Variants in ZNF490 observed in about 807,000 individuals in gnomAD.
The protein encoded by ZNF490 is zinc finger protein 490.
A neutral mutation model predicts 17.7 loss-of-function variants in ZNF490; 11 were observed. The observed-to-expected ratio is 0.62, with a 90% confidence interval of 0.39 to 1.03. ZNF490 has a LOEUF of 1.03. ZNF490 is among the 50% of genes least tolerant of loss of function. ZNF490 has a pLI of 0.00. For missense variants in ZNF490, 542 were observed against 643.4 expected (o/e 0.84, Z 1.71); for synonymous variants, 222 against 216.1 (o/e 1.03, Z -0.24).
chr19:12,590,403 G>T (rs1172597972), intron 2 of ZNF490, among the ~76,000 whole-genome samples: 2 of 151,444 alleles, frequency 1.3e-5, no homozygotes, highest in African/African-American at 2.4e-5. Flanking sequence ...TTTTAGTAGA[G>T]ATGGGGTTTC....
intron 2 of ZNF490, among the ~76,000 whole-genome samples, chr19:12,583,903 T>C (rs1340168165): frequency 2.7e-5 from 4 of 149,100 alleles, no homozygotes; most frequent in Non-Finnish European, 3.0e-5. Flanking sequence ...CTCCGCCTCC[T>C]GGGTTCACAC....
chr19:12,599,180 A>T (rs1447660801), intron 2 of ZNF490, among the ~76,000 whole-genome samples: 1 of 150,962 alleles, frequency 6.6e-6, no homozygotes, highest in Admixed American at 6.6e-5. Flanking sequence ...AGAAAAGAAA[A>T]AAAAAGAGAC....
chr19:12,609,069 C>G, intron 2 of ZNF490, 89 bp downstream of exon 2: 1 of 1,295,660 alleles, frequency 7.7e-7, no homozygotes, highest in Non-Finnish European at 1.1e-6. Context: ...CCGAAAGACC[C>G]CCCCACAAAG....
intron 4 of ZNF490, 109 bp from the exon 5 acceptor site, chr19:12,581,833 T>C (rs1362175064): frequency 2.0e-6 from 2 of 1,001,524 alleles, no homozygotes; most frequent in Non-Finnish European, 1.4e-6. Context: ...CTGTATGTTA[T>C]CTGCCCTGTC....
At chr19:12,596,097 T>A (rs1325738557) in intron 2 of ZNF490, among the ~76,000 whole-genome samples, 1 of 151,598 alleles carries the variant, frequency 6.6e-6, no homozygotes, top group Non-Finnish European at 1.5e-5. Context: ...CAATCCCATC[T>A]CTACTAAAAA....
At chr19:12,603,413 G>A (rs189150058) in intron 2 of ZNF490, among the ~76,000 whole-genome samples, 133 of 152,126 alleles carry the variant, frequency 8.7e-4, no homozygotes, top group Non-Finnish European at 1.5e-3. Context: ...CCTGAGCTCA[G>A]GGAAGTCAAG....
At chr19:12,593,202 T>C (rs964381416) in intron 2 of ZNF490, among the ~76,000 whole-genome samples, 1 of 151,950 alleles carries the variant, frequency 6.6e-6, no homozygotes, top group Non-Finnish European at 1.5e-5. Flanking sequence ...TCTTGACTTA[T>C]ATGGCTAGCC....
At chr19:12,594,747 C>G (rs148726274) in intron 2 of ZNF490, among the ~76,000 whole-genome samples, 37 of 152,282 alleles carry the variant, frequency 2.4e-4, no homozygotes, top group African/African-American at 8.9e-4. Context: ...TGAGATCACA[C>G]CACTGCACTT....
At chr19:12,599,793 A>C (rs2022979464) in intron 2 of ZNF490, among the ~76,000 whole-genome samples, 1 of 152,226 alleles carries the variant, frequency 6.6e-6, no homozygotes, top group African/African-American at 2.4e-5. Context: ...AATGGATTAA[A>C]TTAGATAAAA....
intron 2 of ZNF490, among the ~76,000 whole-genome samples, chr19:12,589,871 CATGT>C (rs557685394): frequency 0.026 from 3,884 of 149,548 alleles, 84 homozygotes; most frequent in Middle Eastern, 0.055. Flanking sequence ...TCTCACCATT[CATGT>C]ATGTATGTAT....
At chr19:12,584,166 A>AT (rs1228427719) in intron 2 of ZNF490, among the ~76,000 whole-genome samples, 1 of 79,870 alleles carries the variant, frequency 1.3e-5, no homozygotes, top group African/African-American at 3.8e-5. Flanking sequence ...TTTTCTTTTT[A>AT]TTTTTTTTGA....
At position 12,577,786 on chromosome 19, in the gene ZNF490, C is replaced by T; in HGVS notation, c.*2699G>A. The T allele has an allele frequency of 1.0e-6, 1 of 985,494 alleles. No homozygotes were observed. Among genetic ancestry groups the T allele is most frequent in the Non-Finnish European group, 1.2e-6 (1 of 829,998 alleles). The allele number at this position is 985,494 out of a possible 1,614,324, so 61.0% of individuals were successfully genotyped here. A position where few individuals can be genotyped will look rare whatever the true frequency, so the allele number is the denominator to read the frequency against. On this transcript the variant is annotated 3_prime_UTR_variant, in exon 5 of 5. Transcript: ENST00000311437. The stretch of plus-strand genomic sequence containing the variant: ...AGCGACACAAAGATCACTTCTGGGA[C>T]CCACCCAGGGAGACTGTTGTTACGA...
chr19:12,597,052 C>A, intron 2 of ZNF490: 1 of 453,354 alleles, frequency 2.2e-6, no homozygotes, highest in Non-Finnish European at 4.5e-6. Context: ...CTGGGAGACC[C>A]TCGGGTCAGC....
In ZNF490 at chr19:12,581,262, AT is replaced by A. The variant is rs773301575; in HGVS notation, c.812del (p.Asn271IlefsTer24). ...ATTTGTAGGGTTTCTCTCCAGTGTGATTTTTTTCATGGCGCCGAAGAGCAGT... is the reference window on the plus strand; with the variant it reads ...ATTTGTAGGGTTTCTCTCCAGTGTGATTTTTTCATGGCGCCGAAGAGCAGT... ...YLTALRRHEK[N>X]HTGEKPYKCK... On this transcript the variant is annotated frameshift_variant, in exon 5 of 5. Transcript: ENST00000311437. LOFTEE classifies it low-confidence loss of function (END_TRUNC). 20 of 1,613,904 alleles carry A rather than the reference AT, an allele frequency of 1.2e-5. No homozygotes were observed. Among genetic ancestry groups the A allele is most frequent in the Non-Finnish European group, 1.7e-5 (20 of 1,180,024 alleles).
rs907466575 is a variant in ZNF490, at chr19:12,581,683, C to T, written c.392G>A (p.Cys131Tyr). The change falls in exon 5 of 5, where the codon TGT (cysteine) becomes TAT (tyrosine). Residue 131 changes from cysteine to tyrosine, a missense_variant. Physicochemically the swap from Cys to Tyr is radical, Grantham distance 194 (BLOSUM62 -2). Transcript: ENST00000311437. The part of the protein sequence containing the change: ...VEALCENKED[C>Y]PCGKSTSQIP... ...CTGGCTAGTGCTTTTTCCACATGGA[C>T]AATCTTCTTTATTTTCACAGAGTGC... 6.2e-7 allele frequency: 1 copy of T among 1,613,716 alleles called. No homozygotes were observed. Among genetic ancestry groups the T allele is most frequent in the Non-Finnish European group, 8.5e-7 (1 of 1,179,788 alleles).
rs117617348 is a variant in ZNF490 at position 12,588,715 on chromosome 19, T to G, written c.163-5159A>C. Among the ~76,000 whole-genome samples, 839 of 152,276 alleles carry G rather than the reference T, an allele frequency of 5.5e-3. 5 individuals are homozygous for G. Among genetic ancestry groups the G allele is most frequent in the Non-Finnish European group, 7.7e-3 (523 of 68,034 alleles). On this transcript the variant is annotated intron_variant, in intron 2 of 4. Coordinates refer to ENST00000311437, the MANE Select transcript of ZNF490 (RefSeq NM_020714.3). ...GAATATTCACCAAGATATCTCACAT[T>G]CTGGTAAATAAAATACTTCCTAGCA...
Position 12,580,815 on chromosome 19 carries a change from A to G in ZNF490, c.1260T>C (p.Cys420=). The change falls in exon 5 of 5, where the codon TGT becomes TGC. Residue 420 remains cysteine (C), a synonymous_variant. Coordinates refer to ENST00000311437, the MANE Select transcript of ZNF490 (RefSeq NM_020714.3). ...RVHTGEKTYE[C]KECGKAFLYS... is the part of the protein sequence containing the mutation. ...AAAGAAAGGCTTTACCACATTCTTT[A>G]CATTCGTAAGTTTTCTCGCCAGTGT... The G allele has an allele frequency of 6.2e-7, 1 of 1,614,212 alleles. No homozygotes were observed. The highest frequency in any genetic ancestry group is 1.1e-5 in the South Asian group (1 of 91,088).
Position 12,609,048 on chromosome 19 carries a change from T to C in ZNF490, c.162+110A>G, listed in dbSNP as rs1032208978. The C allele has an allele frequency of 1.4e-5, 14 of 1,032,212 alleles. No individual in the cohort carries two copies. In the African/African-American group the frequency reaches 1.7e-4, roughly 13 times the overall value. 63.9% of individuals were successfully genotyped at this position (1,032,212 alleles called of 1,614,324 possible). ...TATTGGCCTTGACTATGGGAGTGCC[T>C]TCACAAAGACCCGAAAGACCCCCCC... is the stretch of plus-strand genomic sequence containing the variant. On this transcript the variant is annotated intron_variant, in intron 2 of 4. Coordinates refer to ENST00000311437, the MANE Select transcript of ZNF490 (RefSeq NM_020714.3).
In ZNF490 at chr19:12,581,026, C is replaced by G; in HGVS notation, c.1049G>C (p.Arg350Pro). 5.0e-6 allele frequency: 8 copies of G among 1,614,018 alleles called. No individual in the cohort carries two copies. The highest frequency in any genetic ancestry group is 6.8e-6 in the Non-Finnish European group (8 of 1,179,972). ...GRAFFSHSSL[R>P]KHVKTHTGVQ... is the part of the protein sequence containing the mutation. Reference sequence around the variant, plus strand: ...TCCGGTGTGGGTTTTCACGTGTTTTCGAAGGCTTGAGTGAGAAAAGAAGGC... The same window carrying G: ...TCCGGTGTGGGTTTTCACGTGTTTTGGAAGGCTTGAGTGAGAAAAGAAGGC... The change falls in exon 5 of 5, where the codon CGA becomes CCA. Residue 350 changes from arginine (R) to proline (P), a missense_variant. By Grantham distance (103) the Arg-to-Pro change is moderately radical. Coordinates refer to ENST00000311437, the MANE Select transcript of ZNF490 (RefSeq NM_020714.3).
Sources: gnomAD v4.1 joint callset for allele counts (sites outside exome capture counted in the v4.1 genomes callset) on GRCh38, gnomAD v4.1.1 for gene constraint, MANE v1.5 for transcripts, NCBI Gene and HGNC (gene_info 2026-07-23, HGNC 2026-07-21) for gene names.